BCAR3: variants seen among roughly 807,000 people sequenced by gnomAD.
BCAR3 encodes the protein BCAR3 adaptor protein, NSP family member.
BCAR3 carries 37 observed loss-of-function variants against 80.1 expected under a neutral mutation model. The ratio of observed to expected loss-of-function variants is 0.46; its 90% CI spans 0.36 to 0.61. The LOEUF (loss-of-function observed/expected upper bound fraction) is 0.61. BCAR3 is among the 20% of genes least tolerant of loss of function. The pLI, the probability that BCAR3 is intolerant of heterozygous loss-of-function variation, is 0.00. For synonymous variants in BCAR3, 389 were observed against 418.9 expected (o/e 0.93, Z 0.87); for missense variants, 978 against 1,068.2 (o/e 0.92, Z 1.18).
intron 3 of BCAR3, among the ~76,000 whole-genome samples, chr1:93,693,471 C>T (rs540132488): frequency 2.8e-4 from 43 of 152,282 alleles, no homozygotes; most frequent in African/African-American, 9.9e-4. Flanking sequence ...GTGACAAACA[C>T]GCCACATGGA....
intron 2 of BCAR3, among the ~76,000 whole-genome samples, chr1:93,726,175 CCA>C (rs774378960): frequency 7.9e-5 from 12 of 152,116 alleles, no homozygotes; most frequent in Non-Finnish European, 1.5e-4. Context: ...AGCGGTTCTC[CCA>C]CCTCAGCCTC....
chr1:93,572,828 C>T lies in BCAR3; in HGVS notation c.1803-987G>A, dbSNP rs76415897. On this transcript the variant is annotated intron_variant, in intron 8 of 11. Coordinates refer to ENST00000260502, the MANE Select transcript of BCAR3 (RefSeq NM_003567.4). ...GTTCGGAGCTTACGATGTTACTCCA[C>T]GCTGTGCTCTCTCCGTGCCCAGGTG... Among the ~76,000 whole-genome samples the T allele has an allele frequency of 8.4e-3, 1,281 of 152,334 alleles. 43 individuals are homozygous for T. The highest frequency in any genetic ancestry group is 0.059 in the Admixed American group (900 of 15,306).
intron 3 of BCAR3, among the ~76,000 whole-genome samples, chr1:93,694,216 G>A (rs867466988): frequency 2.6e-4 from 40 of 152,182 alleles, no homozygotes; most frequent in African/African-American, 8.4e-4. Flanking sequence ...AGCTCCCCTG[G>A]CACGTGGAAA....
chr1:93,618,656 A>G (rs1236979418), intron 3 of BCAR3, among the ~76,000 whole-genome samples: 1 of 152,178 alleles, frequency 6.6e-6, no homozygotes, highest in Non-Finnish European at 1.5e-5. Context: ...TATATTACAC[A>G]AGCTCAATTT....
intron 2 of BCAR3, among the ~76,000 whole-genome samples, chr1:93,811,293 A>C (rs1043398684): frequency 6.6e-6 from 1 of 152,144 alleles, no homozygotes; most frequent in Non-Finnish European, 1.5e-5. Context: ...GGCAGCATAA[A>C]CCTAAGTGGA....
At chr1:93,684,815 C>T (rs192667240), upstream of BCAR3, among the ~76,000 whole-genome samples, 7 of 152,224 alleles carry the variant, frequency 4.6e-5, no homozygotes, top group South Asian at 2.1e-4. Context: ...CTGCAACCTC[C>T]GCCTCCTGGG....
chr1:93,734,208 C>T lies in BCAR3; in HGVS notation c.-62-28066G>A, dbSNP rs562977099. ...AGAGTACTGACATGAAGTTTCAAGG[C>T]GCACATTTGTGTTTGGTTCATAATC... On this transcript the variant is annotated intron_variant, in intron 2 of 13. Coordinates refer to the BCAR3 transcript ENST00000370244. 5.1e-4 allele frequency among the ~76,000 whole-genome samples: 77 copies of T among 152,318 alleles called. 1 individual carries two copies. The South Asian group carries it at 0.014, about 28-fold the overall frequency.
At chr1:93,735,409 A>C (rs1288086424) in intron 2 of BCAR3, among the ~76,000 whole-genome samples, 1 of 152,220 alleles carries the variant, frequency 6.6e-6, no homozygotes, top group East Asian at 1.9e-4. Flanking sequence ...CTGTCATGGC[A>C]GACAACATGG....
At position 93,604,199 on chromosome 1, in the gene BCAR3, C is replaced by A. The variant is rs554348747; in HGVS notation, c.358-11806G>T. Among the ~76,000 whole-genome samples, 6 of 152,266 alleles carry A rather than the reference C, an allele frequency of 3.9e-5. No individual in the cohort carries two copies. In the South Asian group the frequency reaches 1.2e-3, roughly 32 times the overall value. ...TGTTAAATTAAGATGTTTCATTTTC[C>A]TACTGTATATGATTTTCCTTTTCAC... On this transcript the variant is annotated intron_variant, in intron 3 of 11. Transcript: ENST00000260502.
At chr1:93,578,537 C>T (rs1673558026) in intron 7 of BCAR3, among the ~76,000 whole-genome samples, 1 of 152,224 alleles carries the variant, frequency 6.6e-6, no homozygotes, top group African/African-American at 2.4e-5. Flanking sequence ...CTGCCGTCTG[C>T]AAGATGCTTT....
intron 3 of BCAR3, among the ~76,000 whole-genome samples, chr1:93,691,973 C>CT (rs1649208844): frequency 6.6e-6 from 1 of 152,188 alleles, no homozygotes; most frequent in Non-Finnish European, 1.5e-5. Flanking sequence ...ATTCTCTCTA[C>CT]TTTTGCATAT....
chr1:93,813,543 C>A (rs1170159415), intron 2 of BCAR3, among the ~76,000 whole-genome samples: 1 of 152,168 alleles, frequency 6.6e-6, no homozygotes, highest in African/African-American at 2.4e-5. Context: ...CTTCCATGTG[C>A]CCTTTGCCCA....
chr1:93,630,478 A>T (rs941195990), intron 3 of BCAR3, among the ~76,000 whole-genome samples: 1 of 151,420 alleles, frequency 6.6e-6, no homozygotes, highest in African/African-American at 2.4e-5. Context: ...AAAAAAAAAT[A>T]CAAAAATCAG....
At chr1:93,681,129 G>GC (rs1177021658) in intron 1 of BCAR3, 1 of 152,338 alleles carries the variant, frequency 6.6e-6, no homozygotes, top group Admixed American at 6.5e-5. Context: ...CCTCCTCGGA[G>GC]CCTTGGGCTT....
chr1:93,618,629 T>C (rs1471896286), intron 3 of BCAR3, among the ~76,000 whole-genome samples: 1 of 152,236 alleles, frequency 6.6e-6, no homozygotes, highest in African/African-American at 2.4e-5. Flanking sequence ...TAGTTCCTGG[T>C]GTCACCCCAG....
At chr1:93,755,816 T>A (rs1651725332) in intron 2 of BCAR3, among the ~76,000 whole-genome samples, 1 of 152,204 alleles carries the variant, frequency 6.6e-6, no homozygotes, top group Non-Finnish European at 1.5e-5. Context: ...GGAGGAAACA[T>A]TTAATCACTT....
chr1:93,690,734 G>A (rs895702451), intron 3 of BCAR3, among the ~76,000 whole-genome samples: 1 of 152,204 alleles, frequency 6.6e-6, no homozygotes, highest in Non-Finnish European at 1.5e-5. Flanking sequence ...TCATGATGCT[G>A]TTGTGAAAAT....
intron 3 of BCAR3, among the ~76,000 whole-genome samples, chr1:93,637,854 G>A (rs1557634031): frequency 1.3e-5 from 2 of 152,150 alleles, no homozygotes; most frequent in African/African-American, 2.4e-5. Flanking sequence ...TCCTATAAAC[G>A]TAAGCTAGAA....
Position 93,769,575 on chromosome 1 carries a change from A to C in BCAR3, c.-62-63433T>G, listed in dbSNP as rs574430545. On this transcript the variant is annotated intron_variant, in intron 2 of 13. Transcript: ENST00000370244. Reference sequence around the variant, plus strand: ...GTGTGGCCACTAGGAGAAAAAAAAAACCCTCCAACTTAGAAGGGAGTGTTT... The same window carrying C: ...GTGTGGCCACTAGGAGAAAAAAAAACCCCTCCAACTTAGAAGGGAGTGTTT... Among the ~76,000 whole-genome samples, 142 of 151,806 alleles carry C rather than the reference A, an allele frequency of 9.4e-4. 3 individuals are homozygous for C. Among genetic ancestry groups the C allele is most frequent in the African/African-American group, 3.2e-3 (132 of 41,392 alleles).
Sources: allele counts gnomAD v4.1 joint callset (sites outside exome capture counted in the v4.1 genomes callset), GRCh38; gene constraint gnomAD v4.1.1; transcripts MANE v1.5; gene names NCBI Gene and HGNC (gene_info 2026-07-23, HGNC 2026-07-21).